Variants in CDYL2 observed in about 807,000 individuals in gnomAD.
The protein encoded by CDYL2 is chromodomain Y like 2.
In CDYL2, 23 loss-of-function variants were observed where a neutral mutation model predicts 49.4. The ratio of observed to expected loss-of-function variants is 0.47; its 90% CI spans 0.34 to 0.66. The LOEUF is 0.66. Ranked by LOEUF, CDYL2 falls within the 30% of genes least tolerant of loss-of-function variation. The pLI is 0.01. For missense variants in CDYL2, 678 were observed against 656.4 expected (o/e 1.03, Z -0.36); for synonymous variants, 360 against 268.8 (o/e 1.34, Z -3.32).
At chr16:80,733,861 A>C (rs1265202252) in intron 1 of CDYL2, among the ~76,000 whole-genome samples, 1 of 152,200 alleles carries the variant, frequency 6.6e-6, no homozygotes, top group East Asian at 1.9e-4. Context: ...CTCAGAAGCC[A>C]GGATGAGCTT....
rs1020979854 is a variant in CDYL2, at chr16:80,670,869, C to G, written c.616+13669G>C. Reference sequence around the variant, plus strand: ...AAGATAAAAGGGGCTCTATACACAGCATAGTCAGGTTGCGCACGAGGAAGA... The same window carrying G: ...AAGATAAAAGGGGCTCTATACACAGGATAGTCAGGTTGCGCACGAGGAAGA... On this transcript the variant is annotated intron_variant, in intron 2 of 6. Transcript: ENST00000570137. 8.8e-6 allele frequency: 4 copies of G among 455,530 alleles called. No individual in the cohort carries two copies. In the Admixed American group the frequency reaches 9.4e-5, roughly 11 times the overall value. 28.2% of individuals were successfully genotyped at this position (455,530 alleles called of 1,614,324 possible). A position where few individuals can be genotyped will look rare whatever the true frequency, so the allele number is the denominator to read the frequency against.
At chr16:80,606,098 G>C (rs945285763) in intron 6 of CDYL2, among the ~76,000 whole-genome samples, 1 of 152,186 alleles carries the variant, frequency 6.6e-6, no homozygotes, top group African/African-American at 2.4e-5. Flanking sequence ...GAAGCAAGAT[G>C]GCAGCTCCCT....
Position 80,604,176 on chromosome 16 carries a change from G to A in CDYL2, c.*212C>T. ...TTGGACAGCTCTCTGGCCAGGAAGG[G>A]CAGGGAGGTGGGGGAGGCCAAGTAT... On this transcript the variant is annotated 3_prime_UTR_variant, in exon 7 of 7. Coordinates refer to ENST00000570137, the MANE Select transcript of CDYL2 (RefSeq NM_152342.4). 1 of 593,060 alleles carries A rather than the reference G, an allele frequency of 1.7e-6. No individual in the cohort carries two copies. Among genetic ancestry groups the A allele is most frequent in the South Asian group, 2.0e-5 (1 of 49,502 alleles). The allele number at this position is 593,060 out of a possible 1,614,324, so 36.7% of individuals were successfully genotyped here.
At chr16:80,767,788 C>G (rs1388334680) in intron 1 of CDYL2, among the ~76,000 whole-genome samples, 1 of 152,138 alleles carries the variant, frequency 6.6e-6, no homozygotes, top group East Asian at 1.9e-4. Flanking sequence ...CTACTATATG[C>G]CAGGCACTGA....
At chr16:80,676,633 A>G (rs1909754507) in intron 2 of CDYL2, among the ~76,000 whole-genome samples, 1 of 152,228 alleles carries the variant, frequency 6.6e-6, no homozygotes, top group Non-Finnish European at 1.5e-5. Flanking sequence ...GTTTTGAGGA[A>G]GTATCAAGGG....
chr16:80,716,089 G>A (rs1904789248), intron 1 of CDYL2, among the ~76,000 whole-genome samples: 1 of 152,224 alleles, frequency 6.6e-6, no homozygotes, highest in African/African-American at 2.4e-5. Context: ...GTCAGTCCAT[G>A]CAAATCAGGT....
At chr16:80,760,295 G>C (rs1377244995) in intron 1 of CDYL2, among the ~76,000 whole-genome samples, 2 of 152,174 alleles carry the variant, frequency 1.3e-5, no homozygotes, top group African/African-American at 4.8e-5. Flanking sequence ...ATTAAAAACA[G>C]TGTCAATAGA....
chr16:80,657,124 G>A (rs906502853), intron 2 of CDYL2, among the ~76,000 whole-genome samples: 6 of 152,156 alleles, frequency 3.9e-5, no homozygotes, highest in Admixed American at 6.5e-5. Flanking sequence ...GACAGCTCAC[G>A]CTTAGAAAAC....
rs1363400541 is a variant in CDYL2 at position 80,604,421 on chromosome 16, G to A, written c.1488C>T (p.Phe496=). Residue 496 remains phenylalanine, a synonymous_variant, in exon 7 of 7, where the codon TTC becomes TTT. Coordinates refer to ENST00000570137, the MANE Select transcript of CDYL2 (RefSeq NM_152342.4). ...WSSSKGLDSL[F]SYLQDKIYEV is the part of the protein sequence containing the mutation. ...CATAAATTTTGTCCTGCAGGTAGCT[G>A]AAAAGGGAGTCAAGGCCTTTGGAGG... 1 of 1,614,238 alleles carries A rather than the reference G, an allele frequency of 6.2e-7. No homozygotes were observed.
chr16:80,735,633 T>A (rs1905494597), intron 1 of CDYL2, among the ~76,000 whole-genome samples: 1 of 152,168 alleles, frequency 6.6e-6, no homozygotes, highest in South Asian at 2.1e-4. Flanking sequence ...GCCCCCAGGC[T>A]CCAACTAGAG....
intron 1 of CDYL2, among the ~76,000 whole-genome samples, chr16:80,766,121 G>T (rs1420410841): frequency 6.6e-6 from 1 of 151,972 alleles, no homozygotes; most frequent in East Asian, 1.9e-4. Context: ...ATGGATAGAG[G>T]TGTTTTTTTT....
Position 80,612,881 on chromosome 16 carries a change from C to T in CDYL2, c.1008-45G>A. The T allele has an allele frequency of 6.6e-7, 1 of 1,516,006 alleles. No homozygotes were observed. The highest frequency in any genetic ancestry group is 8.9e-7 in the Non-Finnish European group (1 of 1,121,026). 93.9% of individuals were successfully genotyped at this position (1,516,006 alleles called of 1,614,324 possible). ...CTCTTGAACAGGTGACTATAGCATGCTAAGCCCCACTGGAACCCTTGACTC... is the reference window on the plus strand; with the variant it reads ...CTCTTGAACAGGTGACTATAGCATGTTAAGCCCCACTGGAACCCTTGACTC... On this transcript the variant is annotated intron_variant, in intron 4 of 6. Coordinates refer to ENST00000570137, the MANE Select transcript of CDYL2 (RefSeq NM_152342.4). This position sits in a 1 kb window ranked among gnomAD's most constrained non-coding sequence, Gnocchi z 5.0.
At chr16:80,786,628 G>T (rs148349520) in intron 1 of CDYL2, among the ~76,000 whole-genome samples, 7 of 152,158 alleles carry the variant, frequency 4.6e-5, no homozygotes, top group African/African-American at 1.7e-4. Context: ...ATACCCAAAG[G>T]ATTATAAATC....
At chr16:80,639,529 G>A (rs1234600107) in intron 2 of CDYL2, 1 of 344,306 alleles carries the variant, frequency 2.9e-6, no homozygotes, top group Non-Finnish European at 5.7e-6. Context: ...TAAAAAATGA[G>A]TTATGAGGGA....
chr16:80,642,552 A>G (rs991107110), intron 2 of CDYL2, among the ~76,000 whole-genome samples: 11 of 152,198 alleles, frequency 7.2e-5, no homozygotes, highest in African/African-American at 2.7e-4. Context: ...ACCTCATTGA[A>G]TTAGTCCGTT....
chr16:80,700,105 C>A (rs1215292014), intron 1 of CDYL2, among the ~76,000 whole-genome samples: 1 of 152,140 alleles, frequency 6.6e-6, no homozygotes, highest in Non-Finnish European at 1.5e-5. Context: ...ATGATCCGCC[C>A]GCCTCGGCCT....
At chr16:80,694,092 G>C (rs942443615) in intron 1 of CDYL2, among the ~76,000 whole-genome samples, 8 of 151,780 alleles carry the variant, frequency 5.3e-5, no homozygotes, top group African/African-American at 1.9e-4. Context: ...TTCCACGACG[G>C]GCGGAATGGT....
At chr16:80,615,469 A>G (rs1171971246) in intron 4 of CDYL2, among the ~76,000 whole-genome samples, 2 of 152,092 alleles carry the variant, frequency 1.3e-5, no homozygotes. Flanking sequence ...AATTCCCTCC[A>G]TAACATTCCA....
At chr16:80,792,355 G>A (rs991954421) in intron 1 of CDYL2, among the ~76,000 whole-genome samples, 2 of 152,180 alleles carry the variant, frequency 1.3e-5, no homozygotes, top group Admixed American at 6.5e-5. Context: ...AACTGAGAGT[G>A]GAGGGCCATT....
Sources: gnomAD v4.1 joint callset for allele counts (sites outside exome capture counted in the v4.1 genomes callset) on GRCh38, gnomAD v4.1.1 for gene constraint, Gnocchi (gnomAD v3.1) non-coding constraint, MANE v1.5 for transcripts, NCBI Gene and HGNC (gene_info 2026-07-23, HGNC 2026-07-21) for gene names.